Variants in ZBTB8OS observed in about 807,000 individuals in gnomAD.
ZBTB8OS encodes tRNA-splicing ligase-activating factor archease.
Under a neutral mutation model 29.3 loss-of-function variants are expected in ZBTB8OS, and 16 were observed. That is an observed-to-expected ratio of 0.55 (90% confidence interval 0.37 to 0.83). The LOEUF is 0.83. Ranked by LOEUF, ZBTB8OS falls within the 40% of genes least tolerant of loss-of-function variation. ZBTB8OS has a pLI of 0.00. For synonymous variants in ZBTB8OS, 70 were observed against 64.6 expected (o/e 1.08, Z -0.40); for missense variants, 160 against 196.9 (o/e 0.81, Z 1.12).
intron 5 of ZBTB8OS, chr1:32,627,770 C>T (rs1645227209): frequency 1.8e-6 from 1 of 545,546 alleles, no homozygotes; most frequent in African/African-American, 1.9e-5. Context: ...GGTGCGGTGG[C>T]TCATACCTAT....
chr1:32,648,963 CTTTTTTTTTT>C (rs34143853), intron 1 of ZBTB8OS, among the ~76,000 whole-genome samples: 4 of 58,752 alleles, frequency 6.8e-5, no homozygotes, highest in South Asian at 7.6e-4. Context: ...AGCACCAGGC[CTTTTTTTTTT>C]TTTTTTTTTT....
chr1:32,630,799 G>A (rs1405730118), intron 5 of ZBTB8OS, among the ~76,000 whole-genome samples: 1 of 151,400 alleles, frequency 6.6e-6, no homozygotes, highest in African/African-American at 2.4e-5. Context: ...ATCACCTGAG[G>A]TCAGGAGCTT....
intron 6 of ZBTB8OS, among the ~76,000 whole-genome samples, chr1:32,625,174 G>A (rs1449591463): frequency 2.6e-5 from 4 of 151,480 alleles, no homozygotes; most frequent in Non-Finnish European, 5.9e-5. Context: ...AGTGAGTAGA[G>A]GTCACGTCAC....
chr1:32,633,494 G>A (rs1317102822), intron 4 of ZBTB8OS, 151 bp downstream of exon 4: 4 of 572,772 alleles, frequency 7.0e-6, no homozygotes, highest in Non-Finnish European at 1.2e-5. Flanking sequence ...ACCAGGAAGT[G>A]CCCGTGGTCA....
chr1:32,634,209 AGGTGCTTTTCTTTTTATTATTT>A, intron 2 of ZBTB8OS, 137 bp from the exon 3 acceptor site: 1 of 622,586 alleles, frequency 1.6e-6, no homozygotes, highest in Admixed American at 3.6e-5. Context: ...CACTGCAACC[AGGTGCTTTTCTTTTTATTATTT>A]ATTTATGATT....
In ZBTB8OS at chr1:32,627,549, A is replaced by G; in HGVS notation, c.381-5T>C. 1 of 1,612,860 alleles carries G rather than the reference A, an allele frequency of 6.2e-7. No homozygotes were observed. Among genetic ancestry groups the G allele is most frequent in the East Asian group, 2.2e-5 (1 of 44,860 alleles). On this transcript the variant is annotated splice_polypyrimidine_tract_variant and splice_region_variant and intron_variant, in intron 5 of 6. Coordinates refer to ENST00000468695, the MANE Select transcript of ZBTB8OS (RefSeq NM_178547.5). ...AATGAAAATTCTTCTCCCCACCTTG[A>G]GAATACAAATTAAAACATGATTAAG...
At chr1:32,630,943 G>A (rs1645502978) in intron 5 of ZBTB8OS, among the ~76,000 whole-genome samples, 1 of 152,090 alleles carries the variant, frequency 6.6e-6, no homozygotes, top group South Asian at 2.1e-4. Context: ...AACCCAGGAG[G>A]TGGAGGTTGC....
At chr1:32,638,060 C>T (rs1022721334) in intron 1 of ZBTB8OS, among the ~76,000 whole-genome samples, 15 of 151,818 alleles carry the variant, frequency 9.9e-5, no homozygotes, top group Admixed American at 8.5e-4. Context: ...AGGTCTCAAA[C>T]GTCTAATCTC....
Position 32,621,398 on chromosome 1 carries a change from CAAAA to C in ZBTB8OS, c.*460_*463del, listed in dbSNP as rs879079549. ...TGGGCTACAGAGCGAGACTCCGTCT[CAAAA>C]AAAAAAAAAAAAAAGAAACAAAATA... is the stretch of plus-strand genomic sequence containing the variant. On this transcript the variant is annotated 3_prime_UTR_variant, in exon 7 of 7. Transcript: ENST00000468695. 1.6e-4 allele frequency: 10 copies of C among 60,864 alleles called. No homozygotes were observed. Among genetic ancestry groups the C allele is most frequent in the Non-Finnish European group, 2.7e-4 (7 of 25,858 alleles). 3.8% of individuals were successfully genotyped at this position (60,864 alleles called of 1,614,324 possible).
At chr1:32,650,193 G>A (rs750544093) in intron 1 of ZBTB8OS, among the ~76,000 whole-genome samples, 7 of 152,136 alleles carry the variant, frequency 4.6e-5, no homozygotes, top group Non-Finnish European at 8.8e-5. Flanking sequence ...TTAGGCACAT[G>A]TGGAAGAAGT....
chr1:32,631,779 T>C (rs757814998), intron 5 of ZBTB8OS, 48 bp downstream of exon 5: 2 of 1,362,832 alleles, frequency 1.5e-6, no homozygotes, highest in Non-Finnish European at 2.1e-6. Flanking sequence ...TTGAATTCAA[T>C]GAAGAATATA....
chr1:32,630,080 C>T (rs1395358559), intron 5 of ZBTB8OS, among the ~76,000 whole-genome samples: 2 of 151,768 alleles, frequency 1.3e-5, no homozygotes, highest in African/African-American at 2.4e-5. Context: ...TAAAAAACAA[C>T]AAAAAACAAA....
chr1:32,647,847 A>C (rs1646973275), intron 1 of ZBTB8OS, among the ~76,000 whole-genome samples: 1 of 152,200 alleles, frequency 6.6e-6, no homozygotes, highest in Non-Finnish European at 1.5e-5. Flanking sequence ...ATAATAATAG[A>C]AATAAAATGC....
chr1:32,624,338 T>G (rs968242193), intron 6 of ZBTB8OS, among the ~76,000 whole-genome samples: 4 of 152,192 alleles, frequency 2.6e-5, no homozygotes, highest in Admixed American at 1.3e-4. Flanking sequence ...CTTCTCCCAC[T>G]ACATTTTAAA....
rs776254791 is a variant in ZBTB8OS at position 32,641,562 on chromosome 1, G to A, written c.98-6770C>T. The stretch of plus-strand genomic sequence containing the variant: ...GCTGGGATTACAGGCATGAGCCACC[G>A]CGCCCGGCCAATTATTGTTCTTTTC... On this transcript the variant is annotated intron_variant, in intron 1 of 6. Transcript: ENST00000468695. Among the ~76,000 whole-genome samples the A allele has an allele frequency of 2.0e-4, 28 of 143,450 alleles. 1 individual carries two copies. Among genetic ancestry groups the A allele is most frequent in the Middle Eastern group, 3.6e-3 (1 of 280 alleles). 94.1% of individuals were successfully genotyped at this position (143,450 alleles called of 152,430 possible).
At chr1:32,625,650 T>C (rs1338783434) in intron 6 of ZBTB8OS, among the ~76,000 whole-genome samples, 4 of 152,262 alleles carry the variant, frequency 2.6e-5, no homozygotes, top group African/African-American at 4.8e-5. Flanking sequence ...AGTGGGGGGA[T>C]TGCTTGAGAC....
At chr1:32,649,688 CAG>C (rs1452463817) in intron 1 of ZBTB8OS, among the ~76,000 whole-genome samples, 16 of 142,062 alleles carry the variant, frequency 1.1e-4, no homozygotes, top group Admixed American at 5.7e-4. Flanking sequence ...TTTTTTGAGA[CAG>C]AGTTTCGCTC....
intron 1 of ZBTB8OS, among the ~76,000 whole-genome samples, chr1:32,641,759 A>T (rs77916018): frequency 2.1e-5 from 3 of 142,478 alleles, no homozygotes; most frequent in Non-Finnish European, 4.6e-5. Context: ...TAAAAAATAC[A>T]AAAAAAAAAA....
chr1:32,642,224 C>T (rs143986327), intron 1 of ZBTB8OS, among the ~76,000 whole-genome samples: 1 of 152,214 alleles, frequency 6.6e-6, no homozygotes, highest in Non-Finnish European at 1.5e-5. Context: ...ATGGCCAGGG[C>T]CGGGCGCGGT....
Sources: allele counts gnomAD v4.1 joint callset (sites outside exome capture counted in the v4.1 genomes callset), GRCh38; gene constraint gnomAD v4.1.1; transcripts MANE v1.5; gene names NCBI Gene and HGNC (gene_info 2026-07-23, HGNC 2026-07-21).